The following ARHGAP15 variants were observed in gnomAD, a reference collection of about 807,000 sequenced individuals.
ARHGAP15 encodes the protein rho GTPase-activating protein 15.
In ARHGAP15, 51 loss-of-function variants were observed where a neutral mutation model predicts 63.7. That is an observed-to-expected ratio of 0.80 (90% confidence interval 0.64 to 1.01). ARHGAP15 has a LOEUF of 1.01. ARHGAP15 is among the 50% of genes least tolerant of loss of function. The pLI, the probability that ARHGAP15 is intolerant of heterozygous loss-of-function variation, is 0.00. For synonymous variants in ARHGAP15, 191 were observed against 193.8 expected, an observed-to-expected ratio of 0.99 and a Z score of 0.12; for missense variants, 560 against 564.6, an observed-to-expected ratio of 0.99 and a Z score of 0.08.
At chr2:143,360,502 G>T (rs903821082) in intron 6 of ARHGAP15, among the ~76,000 whole-genome samples, 1 of 141,998 alleles carries the variant, frequency 7.0e-6, no homozygotes, top group Non-Finnish European at 1.5e-5. Flanking sequence ...ATAAATTTTA[G>T]CAAAAAAAAA....
intron 9 of ARHGAP15, among the ~76,000 whole-genome samples, chr2:143,496,508 T>C (rs1190878766): frequency 1.3e-5 from 2 of 152,204 alleles, no homozygotes; most frequent in African/African-American, 4.8e-5. Context: ...TTTATACAGA[T>C]GTTAGTGAGA....
chr2:143,585,206 G>C (rs1453909802), intron 11 of ARHGAP15, among the ~76,000 whole-genome samples: 1 of 152,068 alleles, frequency 6.6e-6, no homozygotes, highest in Non-Finnish European at 1.5e-5. Flanking sequence ...ACTGAGTAGA[G>C]AGTTATAAAA....
chr2:143,491,854 C>G (rs1167536952), intron 9 of ARHGAP15, among the ~76,000 whole-genome samples: 1 of 151,958 alleles, frequency 6.6e-6, no homozygotes, highest in Non-Finnish European at 1.5e-5. Flanking sequence ...TCAACTACAC[C>G]AAGCCTCATC....
chr2:143,744,237 G>T (rs1360061141), intron 13 of ARHGAP15, among the ~76,000 whole-genome samples: 5 of 152,222 alleles, frequency 3.3e-5, no homozygotes, highest in Non-Finnish European at 7.3e-5. Context: ...GAGACTTGGG[G>T]AGGCCAACTT....
intron 6 of ARHGAP15, among the ~76,000 whole-genome samples, chr2:143,420,547 A>G (rs1688873375): frequency 6.6e-6 from 1 of 152,126 alleles, no homozygotes; most frequent in Non-Finnish European, 1.5e-5. Context: ...TTTTTACTAT[A>G]TTTAATTATC....
intron 13 of ARHGAP15, among the ~76,000 whole-genome samples, chr2:143,760,925 G>C (rs975619952): frequency 3.9e-5 from 6 of 152,028 alleles, no homozygotes; most frequent in Admixed American, 2.6e-4. Flanking sequence ...AAAAATGGCT[G>C]AATTATCTTT....
At chr2:143,325,368 G>T (rs181427433) in intron 6 of ARHGAP15, among the ~76,000 whole-genome samples, 8 of 151,996 alleles carry the variant, frequency 5.3e-5, no homozygotes, top group Non-Finnish European at 1.2e-4. Flanking sequence ...TAATACTCTA[G>T]AGCCTCCTCC....
intron 9 of ARHGAP15, among the ~76,000 whole-genome samples, chr2:143,490,883 C>T (rs1197053613): frequency 3.3e-5 from 5 of 152,148 alleles, no homozygotes; most frequent in African/African-American, 1.2e-4. Context: ...CTGCCTTGGC[C>T]TCCCAAAGCG....
At position 143,416,814 on chromosome 2, in the gene ARHGAP15, CCCCACCACCCCCCCACCCCCA is replaced by C. The variant is rs1688700988; in HGVS notation, c.475-18785_475-18765del. Among the ~76,000 whole-genome samples, 202 of 39,898 alleles carry C rather than the reference CCCCACCACCCCCCCACCCCCA, an allele frequency of 5.1e-3. 7 individuals are homozygous for C. The highest frequency in any genetic ancestry group is 0.017 in the Middle Eastern group (1 of 58). The allele number at this position is 39,898 out of a possible 152,430, so 26.2% of individuals were successfully genotyped here. ...CCCTTGCTTCCCTGCCTGCCACTTC[CCCCACCACCCCCCCACCCCCA>C]CGCCCCCACGCCCCCACGCCCCCAA... On this transcript the variant is annotated intron_variant, in intron 6 of 13. Coordinates refer to ENST00000295095, the MANE Select transcript of ARHGAP15 (RefSeq NM_018460.4).
intron 6 of ARHGAP15, among the ~76,000 whole-genome samples, chr2:143,336,270 A>C (rs146640800): frequency 6.6e-6 from 1 of 152,188 alleles, no homozygotes; most frequent in African/African-American, 2.4e-5. Context: ...TTCCCTGGGC[A>C]ATAGAGGAAA....
At chr2:143,610,110 G>A (rs1698195806) in intron 11 of ARHGAP15, among the ~76,000 whole-genome samples, 1 of 151,986 alleles carries the variant, frequency 6.6e-6, no homozygotes, top group South Asian at 2.1e-4. Context: ...GTCTGAATGA[G>A]GTCAAATTTT....
At chr2:143,657,701 C>G (rs947172168) in intron 12 of ARHGAP15, among the ~76,000 whole-genome samples, 6 of 152,146 alleles carry the variant, frequency 3.9e-5, no homozygotes, top group Non-Finnish European at 8.8e-5. Context: ...TCTAGTCATT[C>G]CACCTATGTC....
At chr2:143,427,660 C>T (rs2381458) in intron 6 of ARHGAP15, among the ~76,000 whole-genome samples, 135,186 of 151,996 alleles carry the variant, frequency 0.89, 60,490 homozygotes, top group Middle Eastern at 0.97. Flanking sequence ...TCTTGTGCTT[C>T]CCAGCCCTTC....
intron 10 of ARHGAP15, among the ~76,000 whole-genome samples, chr2:143,537,451 C>T (rs934709265): frequency 1.5e-4 from 23 of 152,132 alleles, no homozygotes; most frequent in Non-Finnish European, 2.9e-4. Context: ...GAAGTCCTTG[C>T]CCATGCTTAT....
intron 13 of ARHGAP15, among the ~76,000 whole-genome samples, chr2:143,755,655 G>A (rs900905609): frequency 9.9e-5 from 15 of 152,090 alleles, no homozygotes; most frequent in African/African-American, 3.6e-4. Context: ...TAGTTTTACT[G>A]TGTCCCTCTT....
intron 11 of ARHGAP15, among the ~76,000 whole-genome samples, chr2:143,588,253 A>T (rs1213543108): frequency 6.6e-6 from 1 of 151,960 alleles, no homozygotes; most frequent in African/African-American, 2.4e-5. Flanking sequence ...GTACTTATGT[A>T]TTTGCCTTTT....
chr2:143,275,273 G>A (rs1681488165), intron 6 of ARHGAP15, among the ~76,000 whole-genome samples: 1 of 152,172 alleles, frequency 6.6e-6, no homozygotes. Context: ...TCAAACCTTG[G>A]CAGAGAGTAG....
chr2:143,361,134 A>G (rs149687807), intron 6 of ARHGAP15, among the ~76,000 whole-genome samples: 1 of 151,584 alleles, frequency 6.6e-6, no homozygotes, highest in Admixed American at 6.6e-5. Flanking sequence ...GACACTAGGG[A>G]GAAAGTGAGT....
At chr2:143,469,913 A>C (rs780366778) in intron 8 of ARHGAP15, among the ~76,000 whole-genome samples, 1 of 152,044 alleles carries the variant, frequency 6.6e-6, no homozygotes, top group Non-Finnish European at 1.5e-5. Context: ...CACATGCTGG[A>C]CTACCCTTTC....
Sources: gnomAD v4.1 joint callset for allele counts (sites outside exome capture counted in the v4.1 genomes callset) on GRCh38, gnomAD v4.1.1 for gene constraint, MANE v1.5 for transcripts, NCBI Gene and HGNC (gene_info 2026-07-23, HGNC 2026-07-21) for gene names.